Variants in NXN observed in about 807,000 individuals in gnomAD.
NXN encodes nucleoredoxin.
NXN carries 16 observed loss-of-function variants against 48.6 expected under a neutral mutation model. The observed-to-expected ratio is 0.33, with a 90% CI of 0.22 to 0.50. The LOEUF (loss-of-function observed/expected upper bound fraction) is 0.50, where lower values mean the gene tolerates loss of function less well. Among genes scored for constraint, NXN ranks in the 20% least tolerant of loss-of-function variants. NXN has a pLI of 0.98. For missense variants in NXN, 492 were observed against 605.5 expected (o/e 0.81, Z 1.97); for synonymous variants, 281 against 269.6 (o/e 1.04, Z -0.41).
intron 1 of NXN, among the ~76,000 whole-genome samples, chr17:841,561 C>A (rs71206092): frequency 0.029 from 1,068 of 36,760 alleles, 78 homozygotes; most frequent in East Asian, 0.12. Context: ...GAGCAGGTCC[C>A]CCCTGACCAC....
intron 7 of NXN, 105 bp from the exon 8 acceptor site, chr17:801,236 G>C: frequency 1.1e-6 from 1 of 890,214 alleles, no homozygotes; most frequent in African/African-American, 1.7e-5. Context: ...GCACCCTGAA[G>C]AGCCGGCGTT....
chr17:840,505 A>T (rs1021015884), intron 1 of NXN, among the ~76,000 whole-genome samples: 3 of 151,980 alleles, frequency 2.0e-5, no homozygotes, highest in Non-Finnish European at 4.4e-5. Context: ...ACGCACAGCT[A>T]ATTTTTTGTA....
rs868530610 is a variant in NXN, at chr17:917,270, C to T, written c.360+62049G>A. Among the ~76,000 whole-genome samples the T allele has an allele frequency of 1.6e-4, 25 of 151,998 alleles. No individual in the cohort carries two copies. The highest frequency in any genetic ancestry group is 3.9e-4 in the African/African-American group (16 of 41,402). ...GATTCTCCTGCCTCAGCCTCCCGAG[C>T]AGCTGGGACTACAGGCGCCCGCCAC... is the stretch of plus-strand genomic sequence containing the variant. On this transcript the variant is annotated intron_variant, in intron 1 of 7. Transcript: ENST00000336868. The surrounding 1 kb of genome is among the most constrained non-coding windows in gnomAD (Gnocchi z 4.5).
intron 1 of NXN, among the ~76,000 whole-genome samples, chr17:979,107 A>AG (rs1567530893): frequency 6.4e-3 from 112 of 17,404 alleles, no homozygotes; most frequent in African/African-American, 0.049. Flanking sequence ...CACAGCGCGG[A>AG]AGGGGGGGGG....
chr17:831,416 C>T (rs1046699196), intron 1 of NXN, among the ~76,000 whole-genome samples: 5 of 151,992 alleles, frequency 3.3e-5, no homozygotes, highest in African/African-American at 1.2e-4. Flanking sequence ...TGGAACCAGT[C>T]CCCCCGCCAC....
chr17:841,431 C>T (rs935011227), intron 1 of NXN, among the ~76,000 whole-genome samples: 8 of 122,610 alleles, frequency 6.5e-5, no homozygotes, highest in African/African-American at 1.6e-4. Flanking sequence ...GCATCTCACA[C>T]GGGCGAGCAG....
At chr17:914,844 A>C (rs139677163) in intron 1 of NXN, among the ~76,000 whole-genome samples, 3 of 152,334 alleles carry the variant, frequency 2.0e-5, no homozygotes, top group African/African-American at 7.2e-5. Flanking sequence ...AGTGCGTGGA[A>C]CCAACAGCAC....
chr17:883,457 C>T lies in NXN; in HGVS notation c.361-57379G>A, dbSNP rs71357125. Among the ~76,000 whole-genome samples the T allele has an allele frequency of 1.4e-4, 21 of 152,264 alleles. No homozygotes were observed. In the Middle Eastern group the frequency reaches 0.01, roughly 74 times the overall value. On this transcript the variant is annotated intron_variant, in intron 1 of 7. Transcript: ENST00000336868. The stretch of plus-strand genomic sequence containing the variant: ...ACAGGCCTCAAATTTCCATCCACAG[C>T]TCCAAACCCCGCCTACATCACCTCC...
chr17:844,769 G>T (rs1269424260), intron 1 of NXN, among the ~76,000 whole-genome samples: 1 of 152,054 alleles, frequency 6.6e-6, no homozygotes, highest in Non-Finnish European at 1.5e-5. Flanking sequence ...ATTTTTAGTA[G>T]AGACAGGGTT....
At position 966,883 on chromosome 17, in the gene NXN, A is replaced by G. The variant is rs1177771614; in HGVS notation, c.360+12436T>C. Among the ~76,000 whole-genome samples the G allele has an allele frequency of 5.3e-5, 8 of 151,952 alleles. No individual in the cohort carries two copies. In the East Asian group the frequency reaches 9.7e-4, roughly 18 times the overall value. On this transcript the variant is annotated intron_variant, in intron 1 of 7. Coordinates refer to ENST00000336868, the MANE Select transcript of NXN (RefSeq NM_022463.5). Reference sequence around the variant, plus strand: ...TGGGGGGGAAGGGTGAACCCACATCACAGGAGAAATGCTCCAAGGACCAGG... The same window carrying G: ...TGGGGGGGAAGGGTGAACCCACATCGCAGGAGAAATGCTCCAAGGACCAGG...
At chr17:925,643 T>C (rs2144961588) in intron 1 of NXN, among the ~76,000 whole-genome samples, 1 of 152,232 alleles carries the variant, frequency 6.6e-6, no homozygotes. Context: ...CCCGCCTCAG[T>C]CTCCCAAAGT....
At chr17:903,309 G>A (rs937706709) in intron 1 of NXN, among the ~76,000 whole-genome samples, 8 of 151,356 alleles carry the variant, frequency 5.3e-5, no homozygotes, top group Middle Eastern at 3.4e-3. Context: ...GTGTTCAAAC[G>A]ATTCTCCTGC....
chr17:955,888 C>T (rs1193983997), intron 1 of NXN, among the ~76,000 whole-genome samples: 5 of 147,692 alleles, frequency 3.4e-5, no homozygotes, highest in Non-Finnish European at 4.5e-5. Flanking sequence ...GGCGACAGAG[C>T]GAGACTCCAT....
intron 1 of NXN, among the ~76,000 whole-genome samples, chr17:959,731 T>C (rs2069214466): frequency 6.6e-6 from 1 of 150,700 alleles, no homozygotes; most frequent in East Asian, 1.9e-4. Context: ...GAGGTGAAGG[T>C]TGCAGTGATC....
In NXN at chr17:811,919, GC is replaced by G. The variant is rs1480153424; in HGVS notation, c.821-6673del. Among the ~76,000 whole-genome samples, 707 of 125,586 alleles carry G rather than the reference GC, an allele frequency of 5.6e-3. 1 individual carries two copies. Among genetic ancestry groups the G allele is most frequent in the African/African-American group, 0.021 (658 of 31,892 alleles). The allele number at this position is 125,586 out of a possible 152,430, so 82.4% of individuals were successfully genotyped here. The stretch of plus-strand genomic sequence containing the variant: ...CCGGGTTGTGCGGTTACCCAGTTCT[GC>G]TTTTTTTTTTTTTTTTTTTTTTTTT... On this transcript the variant is annotated intron_variant, in intron 5 of 7. Coordinates refer to ENST00000336868, the MANE Select transcript of NXN (RefSeq NM_022463.5).
At chr17:805,036 C>T (rs1911411648) in intron 6 of NXN, 32 bp downstream of exon 6, 1 of 1,541,740 alleles carries the variant, frequency 6.5e-7, no homozygotes, top group Non-Finnish European at 8.8e-7. Flanking sequence ...CCCCCAGCCA[C>T]CCCTCGCCCC....
At chr17:931,535 T>C (rs887355029) in intron 1 of NXN, among the ~76,000 whole-genome samples, 2 of 152,006 alleles carry the variant, frequency 1.3e-5, no homozygotes, top group African/African-American at 4.8e-5. Flanking sequence ...GCACATGTTA[T>C]TTATTTTAAA....
chr17:810,575 A>T (rs1911927549), intron 5 of NXN, among the ~76,000 whole-genome samples: 1 of 152,108 alleles, frequency 6.6e-6, no homozygotes, highest in South Asian at 2.1e-4. Flanking sequence ...GGCTCCCCCA[A>T]AACACTCCCC....
At position 920,189 on chromosome 17, in the gene NXN, C is replaced by T. The variant is rs1319896662; in HGVS notation, c.360+59130G>A. Among the ~76,000 whole-genome samples the T allele has an allele frequency of 6.6e-6, 1 of 152,134 alleles. No homozygotes were observed. The highest frequency in any genetic ancestry group is 1.5e-5 in the Non-Finnish European group (1 of 68,022). ...TGCTGGGATGACAAGCACGAGCCAT[C>T]ACGCCCAGTCTACACCCCGAAATCC... On this transcript the variant is annotated intron_variant, in intron 1 of 7. Transcript: ENST00000336868. The surrounding 1 kb of genome is among the most constrained non-coding windows in gnomAD (Gnocchi z 4.6).
Sources: allele counts gnomAD v4.1 joint callset (sites outside exome capture counted in the v4.1 genomes callset), GRCh38; gene constraint gnomAD v4.1.1; non-coding constraint Gnocchi (gnomAD v3.1); transcripts MANE v1.5; gene names NCBI Gene and HGNC (gene_info 2026-07-23, HGNC 2026-07-21).